ACTR3C: variants seen among roughly 807,000 people sequenced by gnomAD.
ACTR3C encodes the protein actin related protein 3C.
In ACTR3C, 18 loss-of-function variants were observed where a neutral mutation model predicts 26.3. The ratio of observed to expected loss-of-function variants is 0.68; its 90% confidence interval spans 0.47 to 1.01. ACTR3C has a LOEUF of 1.01. Among genes scored for constraint, ACTR3C ranks in the 50% least tolerant of loss-of-function variants. The pLI, the probability that ACTR3C is intolerant of heterozygous loss-of-function variation, is 0.00. For synonymous variants in ACTR3C, 55 were observed against 94.5 expected (o/e 0.58, Z 2.42); for missense variants, 184 against 250.7 (o/e 0.73, Z 1.80).
the ACTR3C span, among the ~76,000 whole-genome samples, chr7:150,113,132 G>T: frequency 3.6e-3 from 554 of 151,834 alleles, 4 homozygotes; most frequent in African/African-American, 0.012. Flanking sequence ...TGAGTCCTCC[G>T]ACGGTGGCTG....
chr7:149,901,218 T>C, the ACTR3C span, among the ~76,000 whole-genome samples: 2 of 152,218 alleles, frequency 1.3e-5, no homozygotes, highest in East Asian at 1.9e-4. Context: ...TGTAATTATA[T>C]AGGAATAGCA....
the ACTR3C span, among the ~76,000 whole-genome samples, chr7:149,975,416 G>A: frequency 2.6e-5 from 4 of 151,998 alleles, no homozygotes; most frequent in African/African-American, 7.3e-5. Flanking sequence ...TAATTGGAAG[G>A]AAAATTATAG....
At chr7:150,286,650 C>T (rs1323799709) in intron 4 of ACTR3C, 110 bp from the exon 5 acceptor site, 11 of 1,425,646 alleles carry the variant, frequency 7.7e-6, no homozygotes, top group Admixed American at 2.3e-5. Context: ...GGATCAGAAC[C>T]GCCCCCACCG....
At chr7:150,047,992 C>T in the ACTR3C span, 90 of 1,191,658 alleles carry the variant, frequency 7.6e-5, no homozygotes, top group Non-Finnish European at 9.2e-5. Flanking sequence ...AGCCCAGCGC[C>T]GGCGACCGCT....
chr7:150,020,362 C>T, the ACTR3C span, among the ~76,000 whole-genome samples: 1 of 152,108 alleles, frequency 6.6e-6, no homozygotes, highest in African/African-American at 2.4e-5. Flanking sequence ...CCTTTTCTGA[C>T]ACTGCCCCCA....
chr7:150,103,792 T>G, the ACTR3C span, among the ~76,000 whole-genome samples: 1 of 152,032 alleles, frequency 6.6e-6, no homozygotes, highest in African/African-American at 2.4e-5. Flanking sequence ...AGCTCAACAT[T>G]CATATAACAT....
At chr7:150,035,294 C>CT in the ACTR3C span, among the ~76,000 whole-genome samples, 1 of 49,984 alleles carries the variant, frequency 2.0e-5, no homozygotes, top group African/African-American at 5.9e-5. Flanking sequence ...GAGAGTGCCT[C>CT]CCCCCCCTTG....
chr7:150,216,604 G>A, the ACTR3C span, among the ~76,000 whole-genome samples: 5,274 of 151,902 alleles, frequency 0.035, 29 homozygotes, highest in African/African-American at 0.056. Context: ...TCACTGCAAA[G>A]CCCATACTCT....
the ACTR3C span, among the ~76,000 whole-genome samples, chr7:150,100,527 T>A: frequency 2.6e-5 from 4 of 151,722 alleles, no homozygotes; most frequent in African/African-American, 9.7e-5. Flanking sequence ...GTTCTGACAA[T>A]CATAAAACAT....
At chr7:150,193,743 C>T in the ACTR3C span, among the ~76,000 whole-genome samples, 20,363 of 147,662 alleles carry the variant, frequency 0.14, 2,487 homozygotes, top group African/African-American at 0.33. Flanking sequence ...TGGATATTAA[C>T]TTCTAATTTA....
chr7:149,931,544 C>T, the ACTR3C span, among the ~76,000 whole-genome samples: 2 of 152,152 alleles, frequency 1.3e-5, no homozygotes, highest in African/African-American at 2.4e-5. Flanking sequence ...CACAGTGACA[C>T]GCCATGGCTT....
At chr7:150,294,901 G>A (rs1487790656) in intron 2 of ACTR3C, among the ~76,000 whole-genome samples, 5 of 151,396 alleles carry the variant, frequency 3.3e-5, no homozygotes, top group African/African-American at 7.3e-5. Flanking sequence ...GCCCAAAATC[G>A]GAAAGGGGAA....
the ACTR3C span, among the ~76,000 whole-genome samples, chr7:149,969,532 T>A: frequency 1.3e-5 from 2 of 152,170 alleles, no homozygotes; most frequent in African/African-American, 4.8e-5. Flanking sequence ...CTTGACTACA[T>A]TTCCTCACCA....
At chr7:150,318,655 G>A (rs945575878) in intron 1 of ACTR3C, among the ~76,000 whole-genome samples, 18 of 152,178 alleles carry the variant, frequency 1.2e-4, no homozygotes, top group East Asian at 9.7e-4. Context: ...CCAGTTACTC[G>A]GGAGGCTGAG....
the ACTR3C span, among the ~76,000 whole-genome samples, chr7:150,033,960 G>T: frequency 6.7e-6 from 1 of 148,662 alleles, no homozygotes; most frequent in Non-Finnish European, 1.5e-5. Context: ...GAGCGAGGGG[G>T]GGAAGGGGGA....
intron 6 of ACTR3C, chr7:150,265,019 T>A: frequency 1.6e-5 from 4 of 250,904 alleles, no homozygotes; most frequent in East Asian, 1.7e-4. Flanking sequence ...GGCTCTGTAA[T>A]AATTTTTACC....
chr7:150,004,613 CG>C, the ACTR3C span: 182 of 152,242 alleles, frequency 1.2e-3, 1 homozygote, highest in African/African-American at 4.2e-3. Context: ...GAGCAACCTA[CG>C]GTGGGAAAAC....
the ACTR3C span, among the ~76,000 whole-genome samples, chr7:149,952,587 GTAAATGAA>G: frequency 6.2e-5 from 9 of 146,196 alleles, no homozygotes; most frequent in East Asian, 5.9e-4. Context: ...ATGTAGATAA[GTAAATGAA>G]TAAATGAATA....
At chr7:150,211,643 T>C in the ACTR3C span, among the ~76,000 whole-genome samples, 581 of 144,320 alleles carry the variant, frequency 4.0e-3, 3 homozygotes, top group African/African-American at 7.6e-3. Context: ...TGAAGGCTGG[T>C]TGAATGTCCT....
Sources: gnomAD v4.1 joint callset for allele counts (sites outside exome capture counted in the v4.1 genomes callset) on GRCh38, gnomAD v4.1.1 for gene constraint, MANE v1.5 for transcripts, NCBI Gene and HGNC (gene_info 2026-07-23, HGNC 2026-07-21) for gene names.